Variants in GPS1 observed in about 807,000 individuals in gnomAD.
GPS1 encodes COP9 signalosome complex subunit 1.
A neutral mutation model predicts 60.0 loss-of-function variants in GPS1; 11 were observed. That is an observed-to-expected ratio of 0.18 (90% CI 0.12 to 0.30). The LOEUF is 0.30. Among genes scored for constraint, GPS1 ranks in the 10% least tolerant of loss-of-function variants. The probability of loss-of-function intolerance (pLI) is 1.00; values close to 1 mark genes in which losing one functional copy is unlikely to be tolerated. For missense variants in GPS1, 543 were observed against 669.2 expected (o/e 0.81, Z 2.08); for synonymous variants, 343 against 269.8 (o/e 1.27, Z -2.66).
chr17:82,055,707 T>TCCCCCCCCC, intron 6 of GPS1, 33 bp from the exon 7 acceptor site: 5 of 1,038,622 alleles, frequency 4.8e-6, no homozygotes, highest in Non-Finnish European at 4.4e-6. Flanking sequence ...TTACCCCCTC[T>TCCCCCCCCC]CCCCCCTCCC....
chr17:82,052,014 A>T, intron 1 of GPS1, 50 bp downstream of exon 1: 1 of 1,129,286 alleles, frequency 8.9e-7, no homozygotes, highest in African/African-American at 1.7e-5. Flanking sequence ...GCCCCCCGCC[A>T]CTGGGGCCGG....
intron 1 of GPS1, 75 bp from the exon 2 acceptor site, chr17:82,053,199 G>A (rs1193577559): frequency 9.1e-6 from 11 of 1,203,786 alleles, no homozygotes; most frequent in Non-Finnish European, 1.2e-5. Flanking sequence ...GCTGACCTCA[G>A]AGAACAGTGC....
chr17:82,055,180 A>C lies in GPS1; in HGVS notation c.706A>C (p.Ser236Arg). 2.6e-6 allele frequency: 4 copies of C among 1,561,724 alleles called. No homozygotes were observed. Among genetic ancestry groups the C allele is most frequent in the Non-Finnish European group, 3.5e-6 (4 of 1,153,226 alleles). Residue 236 changes from serine to arginine, a missense_variant, in exon 6 of 13, where the codon AGC (serine) becomes CGC (arginine). Coordinates refer to ENST00000578552, the MANE Select transcript of GPS1 (RefSeq NM_001321092.3). ...CCTACAGCAGCGAGGAGAGCGTGAC[A>C]GCCAGACCCAGGCCATCCTCACCAA... ...EIAEQRGERD[S>R]QTQAILTKLK...
upstream of GPS1, chr17:82,051,213 G>A (rs2030504650): frequency 3.1e-6 from 4 of 1,306,608 alleles, no homozygotes; most frequent in South Asian, 5.2e-5. The surrounding 1 kb of genome is among the most constrained non-coding windows in gnomAD (Gnocchi z 4.1). Flanking sequence ...GGCACCCACA[G>A]CAGCGAAGGG....
chr17:82,052,388 C>G, intron 1 of GPS1: 1 of 1,612,182 alleles, frequency 6.2e-7, no homozygotes, highest in Admixed American at 1.7e-5. Context: ...TAGGTCAGAC[C>G]TCGTCCTGCC....
intron 3 of GPS1, 91 bp from the exon 4 acceptor site, chr17:82,054,419 G>A: frequency 1.4e-6 from 2 of 1,422,338 alleles, no homozygotes; most frequent in Non-Finnish European, 9.2e-7. Flanking sequence ...TGCCGGTTGG[G>A]CCTTTGAGGG....
intron 1 of GPS1, chr17:82,052,312 G>T (rs2030949302): frequency 1.9e-6 from 3 of 1,613,014 alleles, no homozygotes; most frequent in Non-Finnish European, 2.5e-6. Context: ...ACAGAATGAG[G>T]GATAGCTCGG....
rs1568049414 is a variant in GPS1, at chr17:82,053,934, G to A, written c.193G>A (p.Asp65Asn). The change falls in exon 3 of 13, where the codon GAT becomes AAT. Residue 65 changes from aspartate to asparagine, a missense_variant. By Grantham distance (23) the Asp-to-Asn change is conservative. Transcript: ENST00000578552. ...CATCGAACGGCTGCAGTTCATTGCT[G>A]ATCACTGCCCCACGCTGCGGGTGGA... is the stretch of plus-strand genomic sequence containing the variant. The part of the protein sequence containing the change: ...MRIERLQFIA[D>N]HCPTLRVEAL... 1 of 1,612,978 alleles carries A rather than the reference G, an allele frequency of 6.2e-7. No homozygotes were observed. The highest frequency in any genetic ancestry group is 8.5e-7 in the Non-Finnish European group (1 of 1,179,946).
At position 82,055,194 on chromosome 17, in the gene GPS1, C is replaced by T; in HGVS notation, c.720C>T (p.Ala240=). ...GAGAGCGTGACAGCCAGACCCAGGC[C>T]ATCCTCACCAAGCTCAAGTGTGCCG... The part of the protein sequence containing the change: ...QRGERDSQTQ[A]ILTKLKCAAG... Residue 240 remains alanine, a synonymous_variant, in exon 6 of 13, where the codon GCC becomes GCT. Transcript: ENST00000578552. The T allele has an allele frequency of 1.3e-6, 2 of 1,559,928 alleles. No homozygotes were observed. Among genetic ancestry groups the T allele is most frequent in the Non-Finnish European group, 8.7e-7 (1 of 1,152,226 alleles).
Position 82,056,024 on chromosome 17 carries a change from C to T in GPS1, c.858C>T (p.Ala286=), listed in dbSNP as rs182919222. Residue 286 remains alanine (A), a synonymous_variant, in exon 8 of 13, where the codon GCC becomes GCT. Coordinates refer to ENST00000578552, the MANE Select transcript of GPS1 (RefSeq NM_001321092.3). ...FPELLSPSNV[A]IYGGLCALAT... The stretch of plus-strand genomic sequence containing the variant: ...AGCTGCTGTCCCCCAGCAACGTGGC[C>T]ATCTACGGTGGCCTGTGCGCCTTGG... The T allele has an allele frequency of 5.6e-6, 9 of 1,612,512 alleles. No individual in the cohort carries two copies. The Admixed American group carries it at 8.3e-5, about 15-fold the overall frequency.
At chr17:82,052,127 G>A (rs575039577) in intron 1 of GPS1, 163 bp downstream of exon 1, 97 of 921,998 alleles carry the variant, frequency 1.1e-4, no homozygotes, top group Non-Finnish European at 1.1e-4. Context: ...CAGGGCCGAG[G>A]GCGCGTCTCC....
In GPS1 at chr17:82,055,178, ACAGC is replaced by A; in HGVS notation, c.708_711del (p.Ser236ArgfsTer108). On this transcript the variant is annotated frameshift_variant, in exon 6 of 13. Coordinates refer to ENST00000578552, the MANE Select transcript of GPS1 (RefSeq NM_001321092.3). LOFTEE classifies it high-confidence loss of function. ...CTCCTACAGCAGCGAGGAGAGCGTG[ACAGC>A]CAGACCCAGGCCATCCTCACCAAGC... The A allele has an allele frequency of 6.4e-7, 1 of 1,562,396 alleles. No individual in the cohort carries two copies. The highest frequency in any genetic ancestry group is 8.7e-7 in the Non-Finnish European group (1 of 1,153,604).
At chr17:82,052,603 C>T (rs565979687) in intron 1 of GPS1, 302 of 1,013,396 alleles carry the variant, frequency 3.0e-4, no homozygotes, top group Admixed American at 1.3e-3. Flanking sequence ...CCCCGGTGGG[C>T]CCGGGGCCTG....
At chr17:82,054,163 G>C (rs2031904515) in intron 3 of GPS1, 114 bp downstream of exon 3, 4 of 1,225,328 alleles carry the variant, frequency 3.3e-6, no homozygotes, top group Admixed American at 5.4e-5. Flanking sequence ...GGGAAGTCGG[G>C]CGGGTAGAGC....
intron 3 of GPS1, 111 bp from the exon 4 acceptor site, chr17:82,054,399 C>T (rs2031986009): frequency 1.5e-6 from 2 of 1,361,430 alleles, no homozygotes; most frequent in East Asian, 5.1e-5. Context: ...GCGGGAGGTG[C>T]CCACCTGTGT....
intron 1 of GPS1, chr17:82,052,176 C>A: frequency 7.8e-7 from 1 of 1,285,524 alleles, no homozygotes; most frequent in Non-Finnish European, 1.1e-6. Flanking sequence ...CGCCGGGCCG[C>A]GCCCGCCCCG....
chr17:82,053,508 G>A, intron 2 of GPS1, 142 bp downstream of exon 2: 1 of 610,402 alleles, frequency 1.6e-6, no homozygotes, highest in South Asian at 3.4e-5. Context: ...GAAACCATCA[G>A]CGTTTCTGAT....
chr17:82,053,468 C>A, intron 2 of GPS1, 102 bp downstream of exon 2: 2 of 840,460 alleles, frequency 2.4e-6, no homozygotes, highest in South Asian at 5.6e-5. Context: ...TGATCCTCCT[C>A]AGTGATCGCT....
intron 9 of GPS1, 23 bp from the exon 10 acceptor site, chr17:82,056,447 G>A: frequency 6.2e-7 from 1 of 1,613,040 alleles, no homozygotes; most frequent in Non-Finnish European, 8.5e-7. Context: ...TCCTGTCCTG[G>A]TCCTGACCAG....
Sources: gnomAD v4.1 joint callset for allele counts on GRCh38, gnomAD v4.1.1 for gene constraint, Gnocchi (gnomAD v3.1) non-coding constraint, MANE v1.5 for transcripts, NCBI Gene and HGNC (gene_info 2026-07-23, HGNC 2026-07-21) for gene names.